The following WWP1 variants were observed in gnomAD, a reference collection of about 807,000 sequenced individuals.
WWP1 encodes the protein NEDD4-like E3 ubiquitin-protein ligase WWP1.
WWP1 carries 49 observed loss-of-function variants against 130.6 expected under a neutral mutation model. The observed-to-expected ratio is 0.38, with a 90% CI of 0.30 to 0.48. The LOEUF is 0.48. WWP1 is among the 20% of genes least tolerant of loss of function. The pLI is 0.99. For missense variants in WWP1, 809 were observed against 1,100.6 expected (o/e 0.74, Z 3.75); for synonymous variants, 332 against 367.8 (o/e 0.90, Z 1.11).
Position 86,452,582 on chromosome 8 carries a change from C to G in WWP1, c.2297C>G (p.Ser766Cys). The change falls in exon 21 of 25, where the codon TCT (serine) becomes TGT (cysteine). Residue 766 changes from serine (S) to cysteine (C), a missense_variant. This residue lies in a region of WWP1 where 450 missense variants were observed against 674.2 expected (regional missense o/e 0.67). Transcript: ENST00000517970. ...YIGLMTEWRF[S>C]RGVQEQTKAF... is the part of the protein sequence containing the mutation. ...AGTTTAATGACAGAATGGCGTTTTTCTCGAGGAGTACAAGAACAGACCAAA... is the reference window on the plus strand; with the variant it reads ...AGTTTAATGACAGAATGGCGTTTTTGTCGAGGAGTACAAGAACAGACCAAA... 6.2e-7 allele frequency: 1 copy of G among 1,606,674 alleles called. No individual in the cohort carries two copies. The highest frequency in any genetic ancestry group is 8.5e-7 in the Non-Finnish European group (1 of 1,177,534).
chr8:86,461,396 G>T, intron 23 of WWP1, 76 bp downstream of exon 23: 1 of 1,245,386 alleles, frequency 8.0e-7, no homozygotes, highest in Non-Finnish European at 1.2e-6. Flanking sequence ...CAATAGACTT[G>T]ATTGAACCTA....
intron 24 of WWP1, among the ~76,000 whole-genome samples, chr8:86,465,926 C>T (rs1336856338): frequency 6.6e-6 from 1 of 152,130 alleles, no homozygotes; most frequent in Non-Finnish European, 1.5e-5. Context: ...TCTTTCCTGA[C>T]TCTGACATGG....
At chr8:86,460,790 CTTTTTTTTTTTTTTTTTTTTTTT>C (rs59506795) in intron 22 of WWP1, among the ~76,000 whole-genome samples, 4 of 62,404 alleles carry the variant, frequency 6.4e-5, no homozygotes, top group African/African-American at 9.4e-5. Flanking sequence ...TTTAGCACAT[CTTTTTTTTTTTTTTTTTTTTTTT>C]TTTTTTTTTT....
At chr8:86,452,429 C>A in intron 20 of WWP1, 130 bp from the exon 21 acceptor site, 1 of 750,988 alleles carries the variant, frequency 1.3e-6, no homozygotes, top group South Asian at 2.1e-5. Context: ...TATACACACA[C>A]ATCACATTTA....
At chr8:86,393,674 T>C (rs1356978842) in intron 5 of WWP1, among the ~76,000 whole-genome samples, 1 of 152,236 alleles carries the variant, frequency 6.6e-6, no homozygotes, top group Non-Finnish European at 1.5e-5. Context: ...TTATTAAGAC[T>C]GTCACTTACA....
intron 5 of WWP1, among the ~76,000 whole-genome samples, chr8:86,396,875 A>G (rs1485323454): frequency 6.6e-6 from 1 of 152,170 alleles, no homozygotes; most frequent in Non-Finnish European, 1.5e-5. Context: ...CTGGGATTAG[A>G]GGCGTGAGCC....
At chr8:86,391,307 T>C (rs914850194) in intron 5 of WWP1, among the ~76,000 whole-genome samples, 5 of 152,228 alleles carry the variant, frequency 3.3e-5, no homozygotes, top group African/African-American at 1.2e-4. Context: ...TGTTTGTGGA[T>C]TTAAGCCATC....
At chr8:86,461,412 T>G in intron 23 of WWP1, 92 bp downstream of exon 23, 1 of 1,107,322 alleles carries the variant, frequency 9.0e-7, no homozygotes, top group Non-Finnish European at 1.4e-6. Context: ...ACCTAAAGAT[T>G]ACTCTTCTGT....
rs887666854 is a variant in WWP1 at position 86,451,144 on chromosome 8, G to A, written c.2274-1415G>A. On this transcript the variant is annotated intron_variant, in intron 20 of 24. Transcript: ENST00000517970. ...CCCAGCCACTATGGAGACTGAGGTG[G>A]GAAGATCACCTAAGCCCAGGGAGGT... Among the ~76,000 whole-genome samples, 3 of 143,346 alleles carry A rather than the reference G, an allele frequency of 2.1e-5. No homozygotes were observed. The East Asian group carries it at 6.2e-4, about 30-fold the overall frequency. The allele number at this position is 143,346 out of a possible 152,430, so 94.0% of individuals were successfully genotyped here.
At chr8:86,367,737 A>T (rs1287063434) in intron 1 of WWP1, among the ~76,000 whole-genome samples, 1 of 152,182 alleles carries the variant, frequency 6.6e-6, no homozygotes, top group Non-Finnish European at 1.5e-5. Flanking sequence ...TAAATTGATC[A>T]TATAGTTTTT....
chr8:86,402,468 T>G (rs2130511360), intron 8 of WWP1, among the ~76,000 whole-genome samples: 1 of 152,276 alleles, frequency 6.6e-6, no homozygotes, highest in Admixed American at 6.5e-5. Context: ...TTTTGTATTT[T>G]TAATAGAGAC....
chr8:86,455,939 G>A (rs952666090), intron 21 of WWP1, among the ~76,000 whole-genome samples: 12 of 151,902 alleles, frequency 7.9e-5, no homozygotes, highest in Admixed American at 6.6e-4. Flanking sequence ...ACACTAGAAT[G>A]TCCAGAAGTA....
Position 86,448,525 on chromosome 8 carries a change from T to C in WWP1, c.2273+12T>C, listed in dbSNP as rs1365179693. The C allele has an allele frequency of 4.4e-6, 7 of 1,607,154 alleles. No individual in the cohort carries two copies. The highest frequency in any genetic ancestry group is 2.2e-5 in the South Asian group (2 of 89,404). ...GATGAATATATTGGGTAAGGTGATA[T>C]ACCTTATTAAGCTTAATTTCTAGAA... is the stretch of plus-strand genomic sequence containing the variant. On this transcript the variant is annotated intron_variant, in intron 20 of 24. Transcript: ENST00000517970.
rs1474559815 is a variant in WWP1 at position 86,411,874 on chromosome 8, G to A, written c.1061G>A (p.Gly354Glu). ...GCCAACACAGAAACCTTGCCATCAG[G>A]GTATGTTAAGCTTTTTAATGTCTGA... ...GNANTETLPS[G>E]WEQRKDPHGR... Residue 354 changes from glycine to glutamate, a missense_variant and splice_region_variant, in exon 9 of 25, where the codon GGG becomes GAG. Transcript: ENST00000517970. The A allele has an allele frequency of 6.3e-7, 1 of 1,597,536 alleles. No individual in the cohort carries two copies. The highest frequency in any genetic ancestry group is 1.7e-5 in the Admixed American group (1 of 58,156).
At chr8:86,392,342 A>G (rs1347785427) in intron 5 of WWP1, among the ~76,000 whole-genome samples, 1 of 152,220 alleles carries the variant, frequency 6.6e-6, no homozygotes, top group Admixed American at 6.5e-5. Flanking sequence ...GTATATTCAG[A>G]ACTTCACTTT....
intron 7 of WWP1, among the ~76,000 whole-genome samples, chr8:86,400,484 C>T (rs1330625725): frequency 6.6e-6 from 1 of 152,092 alleles, no homozygotes; most frequent in African/African-American, 2.4e-5. Context: ...GCCAAGGAAT[C>T]ATCTCTGAGG....
At chr8:86,455,843 G>T (rs1337167250) in intron 21 of WWP1, among the ~76,000 whole-genome samples, 5 of 151,860 alleles carry the variant, frequency 3.3e-5, no homozygotes, top group Non-Finnish European at 7.4e-5. Flanking sequence ...AGACTTGGAG[G>T]ATTTGCATCA....
chr8:86,402,345 G>C, intron 8 of WWP1, 142 bp downstream of exon 8: 1 of 1,069,120 alleles, frequency 9.4e-7, no homozygotes, highest in Non-Finnish European at 1.3e-6. Context: ...GAGTGCAGTG[G>C]TGCGATCTCG....
At chr8:86,433,531 T>C (rs1292114940) in intron 14 of WWP1, among the ~76,000 whole-genome samples, 1 of 150,854 alleles carries the variant, frequency 6.6e-6, no homozygotes, top group African/African-American at 2.4e-5. Context: ...CTGGGCAACA[T>C]AGCAAGAGCT....
Sources: allele counts gnomAD v4.1 joint callset (sites outside exome capture counted in the v4.1 genomes callset), GRCh38; gene constraint gnomAD v4.1.1; regional missense constraint gnomAD v4.1.1; transcripts MANE v1.5; gene names NCBI Gene and HGNC (gene_info 2026-07-23, HGNC 2026-07-21).